The following COL6A5 variants were observed in gnomAD, a reference collection of about 807,000 sequenced individuals.
The protein encoded by COL6A5 is collagen type VI alpha 5 chain.
COL6A5 carries 48 observed loss-of-function variants against 65.6 expected under a neutral mutation model. The observed-to-expected ratio is 0.73, with a 90% confidence interval of 0.58 to 0.93. The LOEUF (loss-of-function observed/expected upper bound fraction) is 0.93. Among genes scored for constraint, COL6A5 ranks in the 40% least tolerant of loss-of-function variants. COL6A5 has a pLI of 0.00. For synonymous variants in COL6A5, 291 were observed against 322.8 expected (o/e 0.90, Z 1.05); for missense variants, 914 against 928.3 (o/e 0.98, Z 0.20).
intron 1 of COL6A5, among the ~76,000 whole-genome samples, chr3:130,359,025 C>A (rs1010108716): frequency 6.6e-6 from 1 of 152,052 alleles, no homozygotes; most frequent in Admixed American, 6.6e-5. Context: ...TAAAAATAGT[C>A]AACAATGAGT....
chr3:130,364,845 T>G (rs1935272937), intron 1 of COL6A5, among the ~76,000 whole-genome samples: 1 of 152,216 alleles, frequency 6.6e-6, no homozygotes, highest in South Asian at 2.1e-4. Context: ...TCAAAGGTTG[T>G]CAATTGAATT....
chr3:130,368,748 G>A (rs1487777330), intron 1 of COL6A5, among the ~76,000 whole-genome samples: 2 of 152,088 alleles, frequency 1.3e-5, no homozygotes, highest in East Asian at 3.9e-4. Context: ...CAAAAGTAAT[G>A]AAAACCAAAG....
exon 4 of COL6A5, chr3:130,379,629 A>C (rs1052693622): frequency 2.8e-5 from 43 of 1,551,364 alleles, no homozygotes; most frequent in Non-Finnish European, 3.4e-5. Flanking sequence ...AATCAAGCAC[A>C]ACCCAATCTG....
At chr3:130,418,608 A>G (rs1267369645) in intron 24 of COL6A5, among the ~76,000 whole-genome samples, 1 of 152,076 alleles carries the variant, frequency 6.6e-6, no homozygotes, top group African/African-American at 2.4e-5. Context: ...CTTTCCCTGG[A>G]GTCAATTTTC....
intron 10 of COL6A5, among the ~76,000 whole-genome samples, chr3:130,399,662 C>A (rs938282177): frequency 6.7e-6 from 1 of 150,262 alleles, no homozygotes; most frequent in Non-Finnish European, 1.5e-5. Flanking sequence ...CGAGCCACTG[C>A]ACCTGGCCAA....
intron 1 of COL6A5, among the ~76,000 whole-genome samples, chr3:130,434,790 G>GT (rs970097579): frequency 6.6e-6 from 1 of 151,900 alleles, no homozygotes; most frequent in African/African-American, 2.4e-5. Context: ...GGTTTTTTGG[G>GT]TTTTTTTCTT....
rs147020365 is a variant in COL6A5 at position 130,434,876 on chromosome 3, C to T, written c.487+2927C>T. Among the ~76,000 whole-genome samples, 710 of 152,130 alleles carry T rather than the reference C, an allele frequency of 4.7e-3. 11 individuals carry two copies. The highest frequency in any genetic ancestry group is 0.016 in the African/African-American group (649 of 41,504). On this transcript the variant is annotated intron_variant, in intron 1 of 7. Transcript: ENST00000512836. ...ATGGGTAGATTGCAAAAATTTTCTC[C>T]ATTTCTGTAGGTTGCCTGTTCACTC...
At chr3:130,429,338 A>G (rs1559898187), upstream of COL6A5, among the ~76,000 whole-genome samples, 1 of 152,168 alleles carries the variant, frequency 6.6e-6, no homozygotes, top group African/African-American at 2.4e-5. Flanking sequence ...AAATTCTGCT[A>G]AAGTCTGCTG....
chr3:130,459,812 G>GT (rs955308640), intron 5 of COL6A5, among the ~76,000 whole-genome samples: 40 of 150,558 alleles, frequency 2.7e-4, no homozygotes, highest in African/African-American at 5.1e-4. Flanking sequence ...AGCAAATTGA[G>GT]TTTTTTTTTA....
Position 130,452,060 on chromosome 3 carries a change from A to G in COL6A5, c.1333-3395A>G, listed in dbSNP as rs536811277. On this transcript the variant is annotated intron_variant, in intron 4 of 7. Transcript: ENST00000512836. ...CTACTGCCCTGAATAGAGTGACCGT[A>G]TTTTCCATAGGCACTCAAACACCAC... Among the ~76,000 whole-genome samples the G allele has an allele frequency of 1.1e-4, 16 of 152,238 alleles. No homozygotes were observed. The South Asian group carries it at 2.9e-3, about 28-fold the overall frequency.
At chr3:130,354,452 A>AC (rs1393442500) in intron 1 of COL6A5, among the ~76,000 whole-genome samples, 4 of 152,144 alleles carry the variant, frequency 2.6e-5, no homozygotes, top group African/African-American at 9.7e-5. Flanking sequence ...ACTACGTAGA[A>AC]CCCAATCCCT....
rs540873211 is a variant in COL6A5 at position 130,373,782 on chromosome 3, A to G, written c.67+77A>G. The stretch of plus-strand genomic sequence containing the variant: ...AGTAAACTTTAATAAACAGCAAGAA[A>G]TAATTTATTTACTAAAAATCAAAGT... On this transcript the variant is annotated intron_variant and NMD_transcript_variant, in intron 2 of 41. Coordinates refer to the COL6A5 transcript ENST00000312481. 4 of 890,704 alleles carry G rather than the reference A, an allele frequency of 4.5e-6. 1 individual carries two copies. The South Asian group carries it at 6.5e-5, about 14-fold the overall frequency. 55.2% of individuals were successfully genotyped at this position (890,704 alleles called of 1,614,324 possible).
intron 1 of COL6A5, among the ~76,000 whole-genome samples, chr3:130,368,733 G>A (rs1935437560): frequency 6.6e-6 from 1 of 152,118 alleles, no homozygotes; most frequent in South Asian, 2.1e-4. Flanking sequence ...GTGCCATGGA[G>A]GAAACAAAAG....
rs1935944084 is a variant in COL6A5 at position 130,380,067 on chromosome 3, A to G, written c.1300+17A>G. On this transcript the variant is annotated intron_variant and NMD_transcript_variant, in intron 4 of 41. Transcript: ENST00000312481. ...ATAAAACTGGTATGTTTTTTAAAATACTTTTCTAATTATAAAATTAATATA... is the reference window on the plus strand; with the variant it reads ...ATAAAACTGGTATGTTTTTTAAAATGCTTTTCTAATTATAAAATTAATATA... 2 of 1,455,252 alleles carry G rather than the reference A, an allele frequency of 1.4e-6. No homozygotes were observed. The highest frequency in any genetic ancestry group is 9.2e-7 in the Non-Finnish European group (1 of 1,090,888). The allele number at this position is 1,455,252 out of a possible 1,614,324, so 90.1% of individuals were successfully genotyped here. A position where few individuals can be genotyped will look rare whatever the true frequency, so the allele number is the denominator to read the frequency against.
chr3:130,401,639 C>A, intron 11 of COL6A5, 123 bp from the exon 12 acceptor site: 1 of 715,892 alleles, frequency 1.4e-6, no homozygotes, highest in Non-Finnish European at 2.4e-6. Context: ...TTCTCTGCAG[C>A]CCCTCATCCA....
At chr3:130,379,151 T>C (rs1935897259) in intron 3 of COL6A5, among the ~76,000 whole-genome samples, 1 of 152,034 alleles carries the variant, frequency 6.6e-6, no homozygotes, top group African/African-American at 2.4e-5. Context: ...GTCATGGAGA[T>C]AATAGTGGTG....
At chr3:130,411,646 G>A (rs1937178192) in intron 20 of COL6A5, among the ~76,000 whole-genome samples, 1 of 152,150 alleles carries the variant, frequency 6.6e-6, no homozygotes, top group Non-Finnish European at 1.5e-5. Flanking sequence ...TGAGCTAAAT[G>A]CTATAAATTT....
intron 5 of COL6A5, among the ~76,000 whole-genome samples, chr3:130,459,835 T>G (rs188088281): frequency 6.1e-4 from 93 of 152,124 alleles, no homozygotes; most frequent in African/African-American, 2.2e-3. Flanking sequence ...GCAGAGTATG[T>G]TCTTTTGTTT....
At chr3:130,363,089 G>A (rs888840644) in intron 1 of COL6A5, among the ~76,000 whole-genome samples, 2 of 151,822 alleles carry the variant, frequency 1.3e-5, no homozygotes, top group Admixed American at 6.6e-5. Flanking sequence ...TTCCAATTTT[G>A]TCTTCTACTC....
Sources: allele counts gnomAD v4.1 joint callset (sites outside exome capture counted in the v4.1 genomes callset), GRCh38; gene constraint gnomAD v4.1.1; transcripts MANE v1.5; gene names NCBI Gene and HGNC (gene_info 2026-07-23, HGNC 2026-07-21).